The following GNAQ variants were observed in gnomAD, a reference collection of about 807,000 sequenced individuals.
The protein encoded by GNAQ is guanine nucleotide-binding protein G(q) subunit alpha.
In GNAQ, 8 loss-of-function variants were observed where a neutral mutation model predicts 43.9. That is an observed-to-expected ratio of 0.18 (90% CI 0.11 to 0.33). The LOEUF (loss-of-function observed/expected upper bound fraction) is 0.33. GNAQ is among the 10% of genes least tolerant of loss of function. GNAQ has a pLI of 1.00. For missense variants in GNAQ, 158 were observed against 450.8 expected (o/e 0.35, Z 5.88); for synonymous variants, 155 against 170.7 (o/e 0.91, Z 0.71).
intron 5 of GNAQ, among the ~76,000 whole-genome samples, chr9:77,760,323 C>T (rs923586476): frequency 3.3e-5 from 5 of 152,108 alleles, no homozygotes; most frequent in African/African-American, 4.8e-5. Flanking sequence ...TCTCCTGCCT[C>T]AGCCTGCTGA....
chr9:77,725,906 GCACAT>G (rs1825390460), intron 6 of GNAQ, among the ~76,000 whole-genome samples: 1 of 152,170 alleles, frequency 6.6e-6, no homozygotes, highest in African/African-American at 2.4e-5. Context: ...CCTTATGCAA[GCACAT>G]CATGAAAACG....
Position 77,955,482 on chromosome 9 carries a change from A to G in GNAQ, c.137-33137T>C, listed in dbSNP as rs569250062. Among the ~76,000 whole-genome samples, 5 of 152,310 alleles carry G rather than the reference A, an allele frequency of 3.3e-5. No homozygotes were observed. In the East Asian group the frequency reaches 9.7e-4, roughly 29 times the overall value. On this transcript the variant is annotated intron_variant, in intron 1 of 6. Transcript: ENST00000286548. ...TAGTGAAATCATGAAAGAAAATAGG[A>G]AAGTTATATAACTGCATTTAAGCAC... is the stretch of plus-strand genomic sequence containing the variant.
chr9:77,821,778 A>G (rs1311419927), intron 2 of GNAQ, among the ~76,000 whole-genome samples: 1 of 150,854 alleles, frequency 6.6e-6, no homozygotes, highest in African/African-American at 2.4e-5. Flanking sequence ...TGCATTATTA[A>G]TACCACCAAA....
intron 2 of GNAQ, among the ~76,000 whole-genome samples, chr9:77,845,403 A>G (rs1316395628): frequency 2.6e-5 from 4 of 152,236 alleles, no homozygotes; most frequent in African/African-American, 9.6e-5. Context: ...CAAATTCCTT[A>G]CAATCTATCT....
At chr9:78,026,287 A>T (rs184113689) in intron 1 of GNAQ, among the ~76,000 whole-genome samples, 1 of 152,322 alleles carries the variant, frequency 6.6e-6, no homozygotes, top group Non-Finnish European at 1.5e-5. Flanking sequence ...CCAGACGATG[A>T]ATCTACGTAG....
chr9:77,871,567 GATCCCTTTTAATATCCTTTTTAAT>G (rs1828038798), intron 2 of GNAQ, among the ~76,000 whole-genome samples: 2 of 152,068 alleles, frequency 1.3e-5, no homozygotes, highest in South Asian at 4.2e-4. Context: ...GGGCTTTTCT[GATCCCTTTTAATATCCTTTTTAAT>G]ATCCCTTTTA....
At chr9:77,909,085 A>T (rs1004748039) in intron 2 of GNAQ, among the ~76,000 whole-genome samples, 5 of 152,142 alleles carry the variant, frequency 3.3e-5, no homozygotes, top group African/African-American at 1.2e-4. Flanking sequence ...TGCTGTAGAG[A>T]GAAAAAGGCA....
intron 2 of GNAQ, among the ~76,000 whole-genome samples, chr9:77,827,824 T>C (rs1001080043): frequency 2.6e-5 from 4 of 151,762 alleles, no homozygotes; most frequent in Non-Finnish European, 5.9e-5. Flanking sequence ...TGTTAAAAAA[T>C]ATATGAGTTA....
intron 5 of GNAQ, among the ~76,000 whole-genome samples, chr9:77,762,715 A>T (rs1243701382): frequency 6.6e-6 from 1 of 152,058 alleles, no homozygotes; most frequent in African/African-American, 2.4e-5. Flanking sequence ...GTGTGGAAAG[A>T]AGTAGACATG....
At chr9:77,972,993 G>C (rs963354558) in intron 1 of GNAQ, among the ~76,000 whole-genome samples, 1 of 124,310 alleles carries the variant, frequency 8.0e-6, no homozygotes, top group Non-Finnish European at 1.7e-5. Context: ...GTAAAAAGGA[G>C]AAGACATTTA....
chr9:77,782,825 G>A (rs1826415551), intron 5 of GNAQ, among the ~76,000 whole-genome samples: 1 of 152,196 alleles, frequency 6.6e-6, no homozygotes, highest in African/African-American at 2.4e-5. Context: ...GTAATGATGA[G>A]GCCATGAAAA....
chr9:77,954,404 C>T (rs556794396), intron 1 of GNAQ, among the ~76,000 whole-genome samples: 11 of 152,262 alleles, frequency 7.2e-5, no homozygotes, highest in Admixed American at 6.5e-5. Flanking sequence ...CACCATAGTA[C>T]GGCTTAAGGA....
chr9:77,943,002 T>C (rs1225189189), intron 1 of GNAQ, among the ~76,000 whole-genome samples: 1 of 152,216 alleles, frequency 6.6e-6, no homozygotes, highest in Non-Finnish European at 1.5e-5. Flanking sequence ...TCATTTATCA[T>C]TAAATGGGCT....
intron 2 of GNAQ, among the ~76,000 whole-genome samples, chr9:77,873,630 A>C (rs910752511): frequency 6.6e-6 from 1 of 152,232 alleles, no homozygotes; most frequent in African/African-American, 2.4e-5. Flanking sequence ...CCAGGGAAGA[A>C]GAAATGATTC....
intron 1 of GNAQ, among the ~76,000 whole-genome samples, chr9:77,963,775 T>C (rs1823133445): frequency 6.6e-6 from 1 of 152,162 alleles, no homozygotes; most frequent in Non-Finnish European, 1.5e-5. Context: ...CACAACAATG[T>C]TCCTACTCGT....
At chr9:77,925,648 T>C (rs1172222576) in intron 1 of GNAQ, among the ~76,000 whole-genome samples, 1 of 152,200 alleles carries the variant, frequency 6.6e-6, no homozygotes, top group Non-Finnish European at 1.5e-5. Flanking sequence ...ATTATACAAA[T>C]GTTGTGAATT....
rs1824066533 is a variant in GNAQ at position 78,031,771 on chromosome 9, C to T, written c.-536G>A. The stretch of plus-strand genomic sequence containing the variant: ...CCTCGGCCCTGTCCGCGCCCACCGC[C>T]CGGCTCGCGCGCAGACCCGGTTCCC... On this transcript the variant is annotated 5_prime_UTR_variant, in exon 1 of 7. Transcript: ENST00000286548. Among the ~76,000 whole-genome samples, 1 of 148,390 alleles carries T rather than the reference C, an allele frequency of 6.7e-6. No homozygotes were observed.
intron 2 of GNAQ, among the ~76,000 whole-genome samples, chr9:77,914,828 C>CAAAAAA (rs71503232): frequency 9.2e-5 from 9 of 98,114 alleles, no homozygotes; most frequent in Non-Finnish European, 1.5e-4. Context: ...TTTTGAACAC[C>CAAAAAA]AAAAAAAAAA....
chr9:77,799,568 T>C (rs191241490), intron 3 of GNAQ, among the ~76,000 whole-genome samples: 206 of 152,308 alleles, frequency 1.4e-3, no homozygotes, highest in Non-Finnish European at 2.2e-3. Flanking sequence ...TATTTCTGTA[T>C]GAATGATACC....
Sources: allele counts gnomAD v4.1 joint callset (sites outside exome capture counted in the v4.1 genomes callset), GRCh38; gene constraint gnomAD v4.1.1; transcripts MANE v1.5; gene names NCBI Gene and HGNC (gene_info 2026-07-23, HGNC 2026-07-21).